Variants in WDR43 observed in about 807,000 individuals in gnomAD.
The protein encoded by WDR43 is WD repeat domain 43, also known as WD repeat-containing protein 43.
A neutral mutation model predicts 91.4 loss-of-function variants in WDR43; 13 were observed. The observed-to-expected ratio is 0.14, with a 90% CI of 0.09 to 0.23. WDR43 has a LOEUF of 0.23. WDR43 is among the 10% of genes least tolerant of loss of function. The pLI is 1.00. For missense variants in WDR43, 780 were observed against 809.4 expected (o/e 0.96, Z 0.44); for synonymous variants, 331 against 287.9 (o/e 1.15, Z -1.51).
intron 8 of WDR43, 74 bp from the exon 9 acceptor site, chr2:28,926,393 TC>T (rs1671140942): frequency 1.9e-6 from 2 of 1,056,608 alleles, no homozygotes; most frequent in Non-Finnish European, 2.7e-6. Flanking sequence ...TTGTTCTTAT[TC>T]CCAGTTGCTT....
Position 28,938,026 on chromosome 2 carries a change from G to T in WDR43, c.1620+32G>T, listed in dbSNP as rs551168719. 9.3e-6 allele frequency: 15 copies of T among 1,608,616 alleles called. No homozygotes were observed. In the South Asian group the frequency reaches 1.7e-4, roughly 18 times the overall value. ...CTTTTCAGCTTCTGTTGCCGAGTATGAATAGTTTGGCTTTGATAAGGATTG... is the reference window on the plus strand; with the variant it reads ...CTTTTCAGCTTCTGTTGCCGAGTATTAATAGTTTGGCTTTGATAAGGATTG... On this transcript the variant is annotated intron_variant, in intron 14 of 17. Transcript: ENST00000407426.
At chr2:28,904,943 A>T (rs903984035) in intron 2 of WDR43, 3 of 152,248 alleles carry the variant, frequency 2.0e-5, no homozygotes, top group Non-Finnish European at 2.9e-5. Flanking sequence ...AAGTAAAGTA[A>T]CTGTAGGAGA....
chr2:28,912,513 GTTT>G, intron 3 of WDR43, 74 bp from the exon 4 acceptor site: 1 of 1,533,286 alleles, frequency 6.5e-7, no homozygotes, highest in Non-Finnish European at 8.9e-7. Context: ...TGTTCAGTTT[GTTT>G]TTTTGTTATT....
chr2:28,920,692 T>A (rs1364024201), intron 6 of WDR43, among the ~76,000 whole-genome samples: 1 of 152,032 alleles, frequency 6.6e-6, no homozygotes, highest in East Asian at 1.9e-4. Context: ...TTTGTTTTTG[T>A]TTTTGAGACA....
At chr2:28,917,616 TAGAC>T (rs980881319) in intron 5 of WDR43, among the ~76,000 whole-genome samples, 2 of 152,212 alleles carry the variant, frequency 1.3e-5, no homozygotes, top group Non-Finnish European at 2.9e-5. Flanking sequence ...AGTGTCAGGA[TAGAC>T]AGACAGATCA....
chr2:28,907,602 G>A (rs1482934702), intron 3 of WDR43, among the ~76,000 whole-genome samples: 1 of 149,054 alleles, frequency 6.7e-6, no homozygotes, highest in Non-Finnish European at 1.5e-5. Context: ...GATGGAGCAA[G>A]ACGCTGTCTC....
chr2:28,937,840 A>AC, intron 13 of WDR43, 91 bp from the exon 14 acceptor site: 1 of 1,179,392 alleles, frequency 8.5e-7, no homozygotes, highest in Admixed American at 2.0e-5. Context: ...ACATTTATAG[A>AC]CCTTCACTTG....
At chr2:28,940,942 C>G (rs1300583693) in intron 14 of WDR43, among the ~76,000 whole-genome samples, 1 of 152,230 alleles carries the variant, frequency 6.6e-6, no homozygotes, top group Non-Finnish European at 1.5e-5. Context: ...TTTCAGAGGA[C>G]TCATTAACAG....
At chr2:28,934,942 G>C (rs1424772780) in intron 11 of WDR43, among the ~76,000 whole-genome samples, 1 of 152,174 alleles carries the variant, frequency 6.6e-6, no homozygotes, top group Non-Finnish European at 1.5e-5. Flanking sequence ...ACCTGTGCCA[G>C]AAGGTGTGCT....
chr2:28,906,695 A>T lies in WDR43; in HGVS notation c.485+114A>T, dbSNP rs572064770. The T allele has an allele frequency of 9.1e-6, 12 of 1,316,614 alleles. No homozygotes were observed. In the Admixed American group the frequency reaches 9.4e-5, roughly 10 times the overall value. 81.6% of individuals were successfully genotyped at this position (1,316,614 alleles called of 1,614,324 possible). A position where few individuals can be genotyped will look rare whatever the true frequency, so the allele number is the denominator to read the frequency against. ...TTCCATTTACAAAGAACTTTTAATC[A>T]AATCGAGCATGCAAGATTTTAATAC... On this transcript the variant is annotated intron_variant, in intron 3 of 17. Transcript: ENST00000407426.
chr2:28,947,968 G>A lies in WDR43; in HGVS notation c.*1189G>A, dbSNP rs13397763. On this transcript the variant is annotated 3_prime_UTR_variant, in exon 18 of 18. Transcript: ENST00000407426. The stretch of plus-strand genomic sequence containing the variant: ...CTCACCTCTAAGAAAGGGCTGGGCA[G>A]ATGGATTTATTTTTTCCCACCTGTG... The A allele has an allele frequency of 1.3e-5, 2 of 149,942 alleles. No homozygotes were observed. The highest frequency in any genetic ancestry group is 1.5e-5 in the Non-Finnish European group (1 of 67,692). 9.3% of individuals were successfully genotyped at this position (149,942 alleles called of 1,614,324 possible). A position where few individuals can be genotyped will look rare whatever the true frequency, so the allele number is the denominator to read the frequency against.
chr2:28,926,443 C>A, intron 8 of WDR43, 25 bp from the exon 9 acceptor site: 1 of 1,479,622 alleles, frequency 6.8e-7, no homozygotes. Flanking sequence ...TCTCATCTTC[C>A]CCTTTAAAAA....
chr2:28,905,428 T>C (rs1670661059), intron 2 of WDR43, among the ~76,000 whole-genome samples: 2 of 152,228 alleles, frequency 1.3e-5, no homozygotes, highest in Non-Finnish European at 1.5e-5. Context: ...TTATATGCTA[T>C]GGCCCCATAG....
At chr2:28,903,402 AT>A (rs1182185135) in intron 2 of WDR43, among the ~76,000 whole-genome samples, 1 of 152,222 alleles carries the variant, frequency 6.6e-6, no homozygotes, top group Non-Finnish European at 1.5e-5. Flanking sequence ...AATATCAGTG[AT>A]AGGAGATAAG....
At chr2:28,941,711 G>C in intron 15 of WDR43, 137 bp downstream of exon 15, 1 of 643,646 alleles carries the variant, frequency 1.6e-6, no homozygotes, top group South Asian at 2.0e-5. Flanking sequence ...GCTCACTGCA[G>C]CCTCGCTCAA....
intron 1 of WDR43, 185 bp downstream of exon 1, chr2:28,895,108 A>G: frequency 2.0e-6 from 1 of 499,572 alleles, no homozygotes; most frequent in Non-Finnish European, 3.1e-6. Flanking sequence ...CCGCGAGGGC[A>G]GTGAGGGAGG....
At chr2:28,941,437 C>G in intron 14 of WDR43, 24 bp from the exon 15 acceptor site, 1 of 1,572,698 alleles carries the variant, frequency 6.4e-7, no homozygotes. Context: ...GTTAATAGTG[C>G]CAAATGATCA....
Position 28,935,643 on chromosome 2 carries a change from G to A in WDR43, c.1524+36G>A, listed in dbSNP as rs1359911358. The stretch of plus-strand genomic sequence containing the variant: ...GCTTTTTTCATTTCAGCATCCTAAT[G>A]CCATGAGTTAAATGGAAAATTCAGT... On this transcript the variant is annotated intron_variant, in intron 12 of 17. Coordinates refer to ENST00000407426, the MANE Select transcript of WDR43 (RefSeq NM_015131.3). 14 of 1,427,290 alleles carry A rather than the reference G, an allele frequency of 9.8e-6. 2 individuals are homozygous for A. In the Middle Eastern group the frequency reaches 1.6e-3, roughly 164 times the overall value. 88.4% of individuals were successfully genotyped at this position (1,427,290 alleles called of 1,614,324 possible). A position where few individuals can be genotyped will look rare whatever the true frequency, so the allele number is the denominator to read the frequency against.
In WDR43 at chr2:28,917,913, A is replaced by C; in HGVS notation, c.767A>C (p.Lys256Thr). The C allele has an allele frequency of 6.3e-7, 1 of 1,583,964 alleles. No individual in the cohort carries two copies. The highest frequency in any genetic ancestry group is 8.6e-7 in the Non-Finnish European group (1 of 1,164,050). The change falls in exon 6 of 18, where the codon AAA becomes ACA. Residue 256 changes from lysine (K) to threonine (T), a missense_variant. Physicochemically the swap from Lys to Thr is moderately conservative, Grantham distance 78 (BLOSUM62 -1). Coordinates refer to ENST00000407426, the MANE Select transcript of WDR43 (RefSeq NM_015131.3). The part of the protein sequence containing the change: ...LNVWQVRSEN[K>T]EKSAVMSFTV... ...TCTAGGCAGGTCCGATCAGAAAACA[A>C]AGAAAAGAGTGCAGTGATGTCATTT...
Sources: allele counts gnomAD v4.1 joint callset (sites outside exome capture counted in the v4.1 genomes callset), GRCh38; gene constraint gnomAD v4.1.1; transcripts MANE v1.5; gene names NCBI Gene and HGNC (gene_info 2026-07-23, HGNC 2026-07-21).